EFCAB6: variants seen among roughly 807,000 people sequenced by gnomAD.
The protein encoded by EFCAB6 is EF-hand calcium binding domain 6, also known as EF-hand calcium-binding domain-containing protein 6.
In EFCAB6, 156 loss-of-function variants were observed where a neutral mutation model predicts 169.8. The observed-to-expected ratio is 0.92, with a 90% CI of 0.81 to 1.05. The LOEUF (loss-of-function observed/expected upper bound fraction) is 1.05. Among genes scored for constraint, EFCAB6 ranks in the 50% least tolerant of loss-of-function variants. The pLI, the probability that EFCAB6 is intolerant of heterozygous loss-of-function variation, is 0.00. For synonymous variants in EFCAB6, 698 were observed against 676.4 expected (o/e 1.03, Z -0.50); for missense variants, 1,800 against 1,829.1 (o/e 0.98, Z 0.29).
At chr22:43,697,339 T>C (rs954892073) in intron 10 of EFCAB6, among the ~76,000 whole-genome samples, 1 of 151,664 alleles carries the variant, frequency 6.6e-6, no homozygotes. Flanking sequence ...GCTCCTGATA[T>C]AATATTCTAT....
chr22:43,715,172 T>C (rs1234287336), intron 9 of EFCAB6, among the ~76,000 whole-genome samples: 1 of 152,208 alleles, frequency 6.6e-6, no homozygotes, highest in Non-Finnish European at 1.5e-5. Flanking sequence ...TAGAGTCCCT[T>C]TGGGGACCTA....
chr22:43,724,384 T>A (rs1393279093), intron 8 of EFCAB6, among the ~76,000 whole-genome samples: 3 of 149,634 alleles, frequency 2.0e-5, no homozygotes, highest in African/African-American at 7.4e-5. Context: ...TTTTTTTTTT[T>A]TGAGAAGGAG....
intron 30 of EFCAB6, among the ~76,000 whole-genome samples, chr22:43,533,216 C>T (rs1188075348): frequency 2.0e-5 from 3 of 152,132 alleles, no homozygotes; most frequent in Admixed American, 6.6e-5. Flanking sequence ...GTGTAGTTTC[C>T]GCCAAAAATG....
chr22:43,745,666 A>C (rs1032515233), intron 6 of EFCAB6, among the ~76,000 whole-genome samples: 1 of 152,236 alleles, frequency 6.6e-6, no homozygotes, highest in African/African-American at 2.4e-5. Context: ...TTCATTTTAA[A>C]TTTAAGAAGT....
At chr22:43,731,377 CT>C (rs980335106) in intron 8 of EFCAB6, among the ~76,000 whole-genome samples, 3 of 152,162 alleles carry the variant, frequency 2.0e-5, no homozygotes, top group Non-Finnish European at 4.4e-5. Flanking sequence ...GGGCATCTCA[CT>C]TAAGGACAAC....
At chr22:43,710,923 A>C (rs1425680846) in intron 10 of EFCAB6, among the ~76,000 whole-genome samples, 2 of 152,244 alleles carry the variant, frequency 1.3e-5, no homozygotes, top group African/African-American at 4.8e-5. Flanking sequence ...AGATTGTAAG[A>C]AAGCCCCCAT....
intron 10 of EFCAB6, among the ~76,000 whole-genome samples, chr22:43,701,770 TG>T (rs2058776622): frequency 1.3e-5 from 2 of 149,010 alleles, no homozygotes; most frequent in Admixed American, 1.3e-4. Context: ...TTATCAAGCC[TG>T]GGTAAGAATG....
chr22:43,743,042 A>T (rs1421561124), intron 6 of EFCAB6, among the ~76,000 whole-genome samples: 1 of 152,260 alleles, frequency 6.6e-6, no homozygotes, highest in African/African-American at 2.4e-5. Context: ...TAAAGCAAGG[A>T]AATGAAGCTC....
chr22:43,564,301 AG>A (rs1483291268), intron 26 of EFCAB6, among the ~76,000 whole-genome samples: 1 of 133,710 alleles, frequency 7.5e-6, no homozygotes, highest in Non-Finnish European at 1.7e-5. Context: ...TACAAAAATC[AG>A]CAGGGTGTGC....
At position 43,629,739 on chromosome 22, in the gene EFCAB6, G is replaced by GC. The variant is rs536466489; in HGVS notation, c.2232+2365dup. ...GAGGAGTCCACTGGTCAAAGGGGAGGCGCCATCCAAGCAAAGGAACAGAAT... is the reference window on the plus strand; with the variant it reads ...GAGGAGTCCACTGGTCAAAGGGGAGGCCGCCATCCAAGCAAAGGAACAGAAT... On this transcript the variant is annotated intron_variant, in intron 19 of 31. Transcript: ENST00000262726. Among the ~76,000 whole-genome samples the GC allele has an allele frequency of 3.4e-4, 52 of 152,210 alleles. No homozygotes were observed. The East Asian group carries it at 0.01, about 29-fold the overall frequency.
At chr22:43,597,051 C>A (rs2052070508) in intron 23 of EFCAB6, among the ~76,000 whole-genome samples, 1 of 152,146 alleles carries the variant, frequency 6.6e-6, no homozygotes, top group South Asian at 2.1e-4. Context: ...TAGCCACCTG[C>A]AGAGGAACTA....
chr22:43,641,755 T>C (rs2055819826), intron 17 of EFCAB6, among the ~76,000 whole-genome samples: 1 of 152,062 alleles, frequency 6.6e-6, no homozygotes, highest in African/African-American at 2.4e-5. Flanking sequence ...GACTTCAGTG[T>C]GGGTATCTCA....
In EFCAB6 at chr22:43,737,112, A is replaced by T. The variant is rs185067822; in HGVS notation, c.508-1119T>A. 3.3e-5 allele frequency among the ~76,000 whole-genome samples: 5 copies of T among 151,992 alleles called. No individual in the cohort carries two copies. The East Asian group carries it at 9.7e-4, about 29-fold the overall frequency. ...TTGGTGAGACCCTAACCTGGGGTAA[A>T]CCCAACTCACCGCCTCTTCCAAACC... is the stretch of plus-strand genomic sequence containing the variant. On this transcript the variant is annotated intron_variant, in intron 6 of 31. Coordinates refer to ENST00000262726, the MANE Select transcript of EFCAB6 (RefSeq NM_022785.4).
chr22:43,743,570 T>C (rs1185332157), intron 6 of EFCAB6, among the ~76,000 whole-genome samples: 1 of 152,056 alleles, frequency 6.6e-6, no homozygotes, highest in Non-Finnish European at 1.5e-5. Flanking sequence ...AAGGAGCTCA[T>C]GTGTGCAGGT....
At chr22:43,620,503 T>A (rs377488435) in intron 20 of EFCAB6, among the ~76,000 whole-genome samples, 9 of 152,186 alleles carry the variant, frequency 5.9e-5, no homozygotes, top group East Asian at 5.8e-4. Flanking sequence ...AGCAAAAATA[T>A]CTTTCAAGAA....
chr22:43,634,858 C>G (rs1225605346), intron 18 of EFCAB6, among the ~76,000 whole-genome samples: 1 of 152,188 alleles, frequency 6.6e-6, no homozygotes, highest in Non-Finnish European at 1.5e-5. Context: ...GGGGCACAAA[C>G]TTTCTAAACC....
intron 2 of EFCAB6, among the ~76,000 whole-genome samples, chr22:43,806,528 G>A (rs552811282): frequency 2.6e-5 from 4 of 152,244 alleles, no homozygotes; most frequent in East Asian, 1.9e-4. Flanking sequence ...TTACAGGTAT[G>A]AGCCACTGCA....
intron 10 of EFCAB6, among the ~76,000 whole-genome samples, chr22:43,688,818 T>A (rs889405635): frequency 1.3e-5 from 2 of 152,180 alleles, no homozygotes; most frequent in African/African-American, 2.4e-5. Flanking sequence ...CAAAAAGTAG[T>A]TTGGGCTGAG....
At chr22:43,667,405 G>T in intron 16 of EFCAB6, 133 bp from the exon 17 acceptor site, 1 of 1,166,086 alleles carries the variant, frequency 8.6e-7, no homozygotes, top group Non-Finnish European at 1.2e-6. Flanking sequence ...AGCTGGGAAG[G>T]GTGGAGTGAC....
Sources: allele counts gnomAD v4.1 joint callset (sites outside exome capture counted in the v4.1 genomes callset), GRCh38; gene constraint gnomAD v4.1.1; transcripts MANE v1.5; gene names NCBI Gene and HGNC (gene_info 2026-07-23, HGNC 2026-07-21).